The following TTLL3 variants were observed in gnomAD, a reference collection of about 807,000 sequenced individuals.
The protein encoded by TTLL3 is tubulin tyrosine ligase like 3.
A neutral mutation model predicts 75.2 loss-of-function variants in TTLL3; 63 were observed. That is an observed-to-expected ratio of 0.84 (90% CI 0.68 to 1.03). TTLL3 has a LOEUF of 1.03. Among genes scored for constraint, TTLL3 ranks in the 50% least tolerant of loss-of-function variants. TTLL3 has a pLI of 0.00. For synonymous variants in TTLL3, 393 were observed against 418.5 expected (o/e 0.94, Z 0.74); for missense variants, 997 against 1,069.9 (o/e 0.93, Z 0.95).
chr3:9,824,779 C>T lies in TTLL3; in HGVS notation c.855-1021C>T, dbSNP rs1437046025. On this transcript the variant is annotated intron_variant, in intron 8 of 13. Transcript: ENST00000685419. ...TTTTTGAGACGGAATCTTGCTCTGT[C>T]GCCCAGGCTGGAGTGCAGTGGTACG... 5.2e-5 allele frequency among the ~76,000 whole-genome samples: 6 copies of T among 116,126 alleles called. No homozygotes were observed. In the Admixed American group the frequency reaches 5.5e-4, roughly 11 times the overall value. 76.2% of individuals were successfully genotyped at this position (116,126 alleles called of 152,430 possible).
intron 7 of TTLL3, chr3:9,819,673 G>A (rs954543274): frequency 1.5e-5 from 15 of 985,436 alleles, no homozygotes; most frequent in African/African-American, 5.2e-5. Context: ...GATTTAGCTC[G>A]TGTCTCCAGG....
At position 9,827,530 on chromosome 3, in the gene TTLL3, G is replaced by A. The variant is rs1377507839; in HGVS notation, c.1247+290G>A. 5 of 397,892 alleles carry A rather than the reference G, an allele frequency of 1.3e-5. No homozygotes were observed. The East Asian group carries it at 1.6e-4, about 13-fold the overall frequency. 24.6% of individuals were successfully genotyped at this position (397,892 alleles called of 1,614,324 possible). On this transcript the variant is annotated intron_variant, in intron 10 of 13. Transcript: ENST00000685419. ...CAATCCTTCCTCCTCAGCCTCCCAA[G>A]TGTCTGAGACCACAGGCATGTACCA... is the stretch of plus-strand genomic sequence containing the variant.
chr3:9,835,696 T>A lies in TTLL3; in HGVS notation c.*207T>A. On this transcript the variant is annotated 3_prime_UTR_variant, in exon 14 of 14. Transcript: ENST00000685419. Reference sequence around the variant, plus strand: ...GCAGTGAGTCGACGCAGGGACATATTGCCAGAACTGCCGAGCACTGGGAGC... The same window carrying A: ...GCAGTGAGTCGACGCAGGGACATATAGCCAGAACTGCCGAGCACTGGGAGC... The A allele has an allele frequency of 1.9e-6, 1 of 528,926 alleles. No homozygotes were observed. The highest frequency in any genetic ancestry group is 3.3e-5 in the South Asian group (1 of 30,438). The allele number at this position is 528,926 out of a possible 1,614,324, so 32.8% of individuals were successfully genotyped here.
chr3:9,817,667 G>A lies in TTLL3; in HGVS notation c.467G>A (p.Arg156Gln), dbSNP rs774834644. ...TAGGTGGGTCTATGTCTCAATCTCCGGAATTTGCCGTGGTTTGATGAGGTT... is the reference window on the plus strand; with the variant it reads ...TAGGTGGGTCTATGTCTCAATCTCCAGAATTTGCCGTGGTTTGATGAGGTT... ...TTKVGLCLNL[R>Q]NLPWFDEVDA... The change falls in exon 6 of 14, where the codon CGG becomes CAG. Residue 156 changes from arginine to glutamine, a missense_variant. By Grantham distance (43) the Arg-to-Gln change is conservative. Transcript: ENST00000685419. The A allele has an allele frequency of 6.2e-6, 10 of 1,613,994 alleles. No homozygotes were observed. The highest frequency in any genetic ancestry group is 7.6e-6 in the Non-Finnish European group (9 of 1,180,028).
chr3:9,827,077 G>A lies in TTLL3; in HGVS notation c.1084G>A (p.Val362Met). The A allele has an allele frequency of 1.2e-6, 2 of 1,614,214 alleles. No individual in the cohort carries two copies. The highest frequency in any genetic ancestry group is 1.7e-6 in the Non-Finnish European group (2 of 1,180,036). The change falls in exon 10 of 14, where the codon GTG (valine) becomes ATG (methionine). Residue 362 changes from valine (V) to methionine (M), a missense_variant. Val to Met is a conservative substitution (Grantham distance 21, BLOSUM62 1). Transcript: ENST00000685419. The stretch of plus-strand genomic sequence containing the variant: ...CGTGGTGATGAAGGACGGCAAGTGG[G>A]TGGTGCAGAAGTATATTGAGCGGCC... ...NPVVMKDGKW[V>M]VQKYIERPLL...
In TTLL3 at chr3:9,817,630, T is replaced by C. The variant is rs1575370706; in HGVS notation, c.445-15T>C. The C allele has an allele frequency of 6.2e-7, 1 of 1,613,876 alleles. No homozygotes were observed. Among genetic ancestry groups the C allele is most frequent in the South Asian group, 1.1e-5 (1 of 91,056 alleles). Reference sequence around the variant, plus strand: ...GGGCAGTCCTGCCCTGCCCTCTCAGTGGCTAACTCCGTAGGTGGGTCTATG... The same window carrying C: ...GGGCAGTCCTGCCCTGCCCTCTCAGCGGCTAACTCCGTAGGTGGGTCTATG... On this transcript the variant is annotated splice_polypyrimidine_tract_variant and intron_variant, in intron 5 of 13. Transcript: ENST00000685419.
At chr3:9,834,357 G>T in intron 12 of TTLL3, 1 of 546,304 alleles carries the variant, frequency 1.8e-6, no homozygotes, top group South Asian at 1.5e-5. Flanking sequence ...GCCCCATACC[G>T]CTACCTGCCC....
rs2125664971 is a variant in TTLL3, at chr3:9,810,740, G to T, written c.48+31G>T. On this transcript the variant is annotated intron_variant, in intron 2 of 13. Coordinates refer to ENST00000685419, the MANE Select transcript of TTLL3 (RefSeq NM_001387446.1). The surrounding 1 kb of genome is among the most constrained non-coding windows in gnomAD (Gnocchi z 4.4). The stretch of plus-strand genomic sequence containing the variant: ...AGGAGGGGCAGGGGCGCTTAGAAAG[G>T]GCCCTGGGAGCGGCTCAGCCTGTCT... 1 of 1,560,008 alleles carries T rather than the reference G, an allele frequency of 6.4e-7. No homozygotes were observed. Among genetic ancestry groups the T allele is most frequent in the Non-Finnish European group, 8.7e-7 (1 of 1,150,122 alleles).
At position 9,814,305 on chromosome 3, in the gene TTLL3, C is replaced by T. The variant is rs1484232096; in HGVS notation, c.315+960C>T. Among the ~76,000 whole-genome samples the T allele has an allele frequency of 2.0e-5, 3 of 152,026 alleles. No individual in the cohort carries two copies. The East Asian group carries it at 5.8e-4, about 30-fold the overall frequency. On this transcript the variant is annotated intron_variant, in intron 4 of 13. Coordinates refer to ENST00000685419, the MANE Select transcript of TTLL3 (RefSeq NM_001387446.1). ...GAACTGAGATCACGCCACTGCACCC[C>T]AGCCTGGGTGACAGAGCGAGACTCC...
In TTLL3 at chr3:9,810,842, C is replaced by A; in HGVS notation, c.48+133C>A. 1 of 848,044 alleles carries A rather than the reference C, an allele frequency of 1.2e-6. No individual in the cohort carries two copies. The highest frequency in any genetic ancestry group is 1.8e-6 in the Non-Finnish European group (1 of 559,724). The allele number at this position is 848,044 out of a possible 1,614,324, so 52.5% of individuals were successfully genotyped here. A position where few individuals can be genotyped will look rare whatever the true frequency, so the allele number is the denominator to read the frequency against. On this transcript the variant is annotated intron_variant, in intron 2 of 13. Transcript: ENST00000685419. This position sits in a 1 kb window ranked among gnomAD's most constrained non-coding sequence, Gnocchi z 4.4. ...ATAGCAAAAATCCTCAACCACCACA[C>A]CCATCTTCAACTACCTCCCCGTTTA...
Position 9,820,710 on chromosome 3 carries a change from C to T in TTLL3, c.823C>T (p.Leu275Phe). The T allele has an allele frequency of 6.2e-7, 1 of 1,614,168 alleles. No individual in the cohort carries two copies. Among genetic ancestry groups the T allele is most frequent in the Non-Finnish European group, 8.5e-7 (1 of 1,180,032 alleles). The change falls in exon 8 of 14, where the codon CTC becomes TTC. Residue 275 changes from leucine to phenylalanine, a missense_variant. By Grantham distance (22) the Leu-to-Phe change is conservative (BLOSUM62 0). Coordinates refer to ENST00000685419, the MANE Select transcript of TTLL3 (RefSeq NM_001387446.1). ...PLYLTPEGWS[L>F]FLQRYYQVVH... ...GTACCTCACCCCCGAGGGCTGGTCC[C>T]TCTTCCTCCAGCGCTACTACCAAGT...
Position 9,810,836 on chromosome 3 carries a change from A to C in TTLL3, c.48+127A>C. On this transcript the variant is annotated intron_variant, in intron 2 of 13. Coordinates refer to ENST00000685419, the MANE Select transcript of TTLL3 (RefSeq NM_001387446.1). This position sits in a 1 kb window ranked among gnomAD's most constrained non-coding sequence, Gnocchi z 4.4. ...AAAACAATAGCAAAAATCCTCAACC[A>C]CCACACCCATCTTCAACTACCTCCC... 1 of 871,144 alleles carries C rather than the reference A, an allele frequency of 1.1e-6. No individual in the cohort carries two copies. The highest frequency in any genetic ancestry group is 1.7e-6 in the Non-Finnish European group (1 of 582,920). The allele number at this position is 871,144 out of a possible 1,614,324, so 54.0% of individuals were successfully genotyped here. A position where few individuals can be genotyped will look rare whatever the true frequency, so the allele number is the denominator to read the frequency against.
In TTLL3 at chr3:9,829,344, G is replaced by A; in HGVS notation, c.1632G>A (p.Arg544=). ...QADTLRVVID[R]MLDRNCDTGA... ...ACACCCTGCGCGTGGTCATTGACCG[G>A]ATGCTGGACCGCAACTGTGACACAG... is the stretch of plus-strand genomic sequence containing the variant. Residue 544 remains arginine (R), a synonymous_variant, in exon 11 of 14, where the codon CGG becomes CGA. Transcript: ENST00000685419. 6.2e-7 allele frequency: 1 copy of A among 1,611,806 alleles called. No individual in the cohort carries two copies. The highest frequency in any genetic ancestry group is 8.5e-7 in the Non-Finnish European group (1 of 1,178,576).
At chr3:9,820,326 G>C in intron 7 of TTLL3, 2 of 1,396,542 alleles carry the variant, frequency 1.4e-6, no homozygotes, top group Non-Finnish European at 1.9e-6. Flanking sequence ...AGCCTCGAGT[G>C]ACAGGTCCTG....
intron 8 of TTLL3, among the ~76,000 whole-genome samples, chr3:9,824,925 G>T (rs2080880688): frequency 6.6e-6 from 1 of 151,248 alleles, no homozygotes; most frequent in Non-Finnish European, 1.5e-5. Context: ...ATTTTTAGTA[G>T]AAACAAGGTT....
rs763495165 is a variant in TTLL3 at position 9,810,349 on chromosome 3, C to T, written c.-87C>T. 1.6e-5 allele frequency: 23 copies of T among 1,424,116 alleles called. No homozygotes were observed. The highest frequency in any genetic ancestry group is 1.1e-4 in the East Asian group (4 of 36,030). The allele number at this position is 1,424,116 out of a possible 1,614,324, so 88.2% of individuals were successfully genotyped here. A position where few individuals can be genotyped will look rare whatever the true frequency, so the allele number is the denominator to read the frequency against. ...CCAGGGCGCCTCGGATACCCACCCC[C>T]TCGGCCCCCCGCACACCCCGGTCCT... On this transcript the variant is annotated 5_prime_UTR_variant, in exon 1 of 14. Coordinates refer to ENST00000685419, the MANE Select transcript of TTLL3 (RefSeq NM_001387446.1). The surrounding 1 kb of genome is among the most constrained non-coding windows in gnomAD (Gnocchi z 4.4).
chr3:9,811,204 C>A (rs186214676), intron 2 of TTLL3, among the ~76,000 whole-genome samples: 1 of 152,328 alleles, frequency 6.6e-6, no homozygotes, highest in Admixed American at 6.5e-5. Context: ...GTGCTGCACC[C>A]TCTCCGTGCC....
At chr3:9,831,899 A>C (rs1273268630) in intron 11 of TTLL3, among the ~76,000 whole-genome samples, 3 of 149,796 alleles carry the variant, frequency 2.0e-5, no homozygotes, top group Non-Finnish European at 4.4e-5. Context: ...CCCGGATTCA[A>C]GTGATTCTCC....
At chr3:9,819,936 TA>T in intron 7 of TTLL3, 1 of 985,848 alleles carries the variant, frequency 1.0e-6, no homozygotes, top group Non-Finnish European at 1.2e-6. Context: ...GCCTCAGTTG[TA>T]TATCAGAATC....
Sources: allele counts gnomAD v4.1 joint callset (sites outside exome capture counted in the v4.1 genomes callset), GRCh38; gene constraint gnomAD v4.1.1; non-coding constraint Gnocchi (gnomAD v3.1); transcripts MANE v1.5; gene names NCBI Gene and HGNC (gene_info 2026-07-23, HGNC 2026-07-21).